The following GRIP1 variants were observed in gnomAD, a reference collection of about 807,000 sequenced individuals.
GRIP1 encodes glutamate receptor-interacting protein 1.
A neutral mutation model predicts 129.9 loss-of-function variants in GRIP1; 45 were observed. The observed-to-expected ratio is 0.35, with a 90% CI of 0.27 to 0.44. The LOEUF (loss-of-function observed/expected upper bound fraction) is 0.44, where lower values mean the gene tolerates loss of function less well. Among genes scored for constraint, GRIP1 ranks in the 20% least tolerant of loss-of-function variants. GRIP1 has a pLI of 1.00. For synonymous variants in GRIP1, 530 were observed against 520.8 expected, an observed-to-expected ratio of 1.02 and a Z score of -0.24; for missense variants, 1,196 against 1,396.8, an observed-to-expected ratio of 0.86 and a Z score of 2.29.
intron 1 of GRIP1, among the ~76,000 whole-genome samples, chr12:66,853,768 A>G (rs759221993): frequency 5.9e-5 from 9 of 152,128 alleles, no homozygotes; most frequent in Non-Finnish European, 8.8e-5. Flanking sequence ...AGTAAACACT[A>G]TATTGAGGCT....
At chr12:66,986,382 T>C (rs997586231) in intron 1 of GRIP1, among the ~76,000 whole-genome samples, 21 of 151,846 alleles carry the variant, frequency 1.4e-4, no homozygotes, top group Non-Finnish European at 2.5e-4. Context: ...TGCACACGTA[T>C]GTTTATTGAG....
intron 1 of GRIP1, among the ~76,000 whole-genome samples, chr12:66,829,576 T>C (rs1301953966): frequency 6.6e-6 from 1 of 152,138 alleles, no homozygotes; most frequent in East Asian, 1.9e-4. Flanking sequence ...ACACTGTGTC[T>C]CTCCCTCCAC....
At chr12:66,569,745 G>C (rs887258561) in intron 2 of GRIP1, among the ~76,000 whole-genome samples, 1 of 152,146 alleles carries the variant, frequency 6.6e-6, no homozygotes, top group Non-Finnish European at 1.5e-5. Flanking sequence ...ATAGAGAGGG[G>C]GCTGGGGGCT....
intron 1 of GRIP1, among the ~76,000 whole-genome samples, chr12:66,787,100 C>A (rs2136827797): frequency 6.6e-6 from 1 of 152,134 alleles, no homozygotes; most frequent in East Asian, 1.9e-4. Flanking sequence ...AGTATTTGAC[C>A]CCTAAATGGC....
chr12:66,969,159 C>T lies in GRIP1; in HGVS notation c.58+99891G>A, dbSNP rs11176505. Among the ~76,000 whole-genome samples the T allele has an allele frequency of 5.8e-3, 883 of 152,118 alleles. 23 individuals carry two copies. In the East Asian group the frequency reaches 0.096, roughly 17 times the overall value. On this transcript the variant is annotated intron_variant, in intron 1 of 1. Coordinates refer to the GRIP1 transcript ENST00000643019. ...CTTCTTTCAAGATTTTTTCACATTC[C>T]GAAGTTGAATGTCATATATCTAAGT...
chr12:66,729,243 A>G (rs929202002), intron 1 of GRIP1, among the ~76,000 whole-genome samples: 5 of 152,136 alleles, frequency 3.3e-5, no homozygotes, highest in Non-Finnish European at 7.3e-5. Context: ...TGGAAAAGGC[A>G]CATATTATCT....
At chr12:66,412,746 C>T (rs1245566535) in intron 15 of GRIP1, among the ~76,000 whole-genome samples, 1 of 152,164 alleles carries the variant, frequency 6.6e-6, no homozygotes, top group African/African-American at 2.4e-5. Flanking sequence ...AGACCTATCT[C>T]ACATGCAGTG....
chr12:66,442,366 G>A (rs993412837), intron 13 of GRIP1, among the ~76,000 whole-genome samples: 4 of 152,000 alleles, frequency 2.6e-5, no homozygotes, highest in Admixed American at 2.0e-4. Context: ...CGCCTCTTCC[G>A]AGAGCCTTAC....
chr12:66,570,910 C>T (rs1452322523), intron 2 of GRIP1: 1 of 152,046 alleles, frequency 6.6e-6, no homozygotes, highest in Non-Finnish European at 1.5e-5. Context: ...TCACAGAAAC[C>T]CAGGATCCTA....
intron 2 of GRIP1, among the ~76,000 whole-genome samples, chr12:66,555,292 A>G (rs1365129940): frequency 1.3e-5 from 2 of 152,160 alleles, no homozygotes; most frequent in East Asian, 3.9e-4. Flanking sequence ...ATCTTATCCA[A>G]AACCACCAAG....
chr12:67,058,976 G>A (rs1010680329), intron 1 of GRIP1, among the ~76,000 whole-genome samples: 3 of 152,192 alleles, frequency 2.0e-5, no homozygotes, highest in African/African-American at 7.2e-5. Context: ...GAGTACAAAA[G>A]GAAAGAAGAA....
intron 1 of GRIP1, among the ~76,000 whole-genome samples, chr12:67,063,258 A>G (rs577416480): frequency 6.6e-6 from 1 of 152,346 alleles, no homozygotes; most frequent in East Asian, 1.9e-4. Flanking sequence ...TACACAGACC[A>G]TATCTTCTTT....
In GRIP1 at chr12:66,486,290, A is replaced by T. The variant is rs146310040; in HGVS notation, c.725-20868T>A. Reference sequence around the variant, plus strand: ...GTTTATATATATATATATATTTAAAAATACTCTGTAGAATACTAATAAAAG... The same window carrying T: ...GTTTATATATATATATATATTTAAATATACTCTGTAGAATACTAATAAAAG... On this transcript the variant is annotated intron_variant, in intron 7 of 24. Coordinates refer to ENST00000359742, the MANE Select transcript of GRIP1 (RefSeq NM_001366722.1). Among the ~76,000 whole-genome samples the T allele has an allele frequency of 7.5e-3, 1,136 of 151,940 alleles. 18 individuals are homozygous for T. The highest frequency in any genetic ancestry group is 0.026 in the African/African-American group (1,094 of 41,408).
chr12:66,752,481 C>T (rs936465921), intron 1 of GRIP1, among the ~76,000 whole-genome samples: 1 of 152,124 alleles, frequency 6.6e-6, no homozygotes, highest in Non-Finnish European at 1.5e-5. Flanking sequence ...GACAGTCATA[C>T]ATTTTGTTTA....
At chr12:66,867,018 T>G (rs951547314) in intron 1 of GRIP1, among the ~76,000 whole-genome samples, 1 of 152,202 alleles carries the variant, frequency 6.6e-6, no homozygotes, top group Non-Finnish European at 1.5e-5. Context: ...AGACAGACTC[T>G]CACTCTGTTG....
At chr12:66,625,654 AAG>A (rs2029929778) in intron 1 of GRIP1, among the ~76,000 whole-genome samples, 1 of 152,196 alleles carries the variant, frequency 6.6e-6, no homozygotes, top group South Asian at 2.1e-4. Context: ...TTAAAGTGTT[AAG>A]AGTTTAATGA....
intron 1 of GRIP1, among the ~76,000 whole-genome samples, chr12:66,696,627 C>CA (rs1475050645): frequency 6.6e-6 from 1 of 150,822 alleles, no homozygotes; most frequent in African/African-American, 2.4e-5. Context: ...CTAAAAAAAA[C>CA]AAAAAACAAA....
rs539833423 is a variant in GRIP1 at position 66,915,911 on chromosome 12, G to A, written c.58+153139C>T. On this transcript the variant is annotated intron_variant, in intron 1 of 1. Transcript: ENST00000643019. ...AATTGGAAGCAAAGGGAGAGGAAGTGCATTCAGAATATTCTTCTCACAGGA... is the reference window on the plus strand; with the variant it reads ...AATTGGAAGCAAAGGGAGAGGAAGTACATTCAGAATATTCTTCTCACAGGA... Among the ~76,000 whole-genome samples the A allele has an allele frequency of 2.0e-5, 3 of 152,322 alleles. No homozygotes were observed. In the East Asian group the frequency reaches 5.8e-4, roughly 29 times the overall value.
chr12:66,777,735 C>T (rs1592836124), intron 1 of GRIP1, among the ~76,000 whole-genome samples: 1 of 152,250 alleles, frequency 6.6e-6, no homozygotes, highest in African/African-American at 2.4e-5. Flanking sequence ...TACCTACACA[C>T]ACACGAACAC....
Sources: allele counts gnomAD v4.1 joint callset (sites outside exome capture counted in the v4.1 genomes callset), GRCh38; gene constraint gnomAD v4.1.1; transcripts MANE v1.5; gene names NCBI Gene and HGNC (gene_info 2026-07-23, HGNC 2026-07-21).